Variants in MYO3B observed in about 807,000 individuals in gnomAD.
The protein encoded by MYO3B is myosin IIIB.
MYO3B carries 156 observed loss-of-function variants against 174.6 expected under a neutral mutation model. The ratio of observed to expected loss-of-function variants is 0.89; its 90% CI spans 0.78 to 1.02. The LOEUF (loss-of-function observed/expected upper bound fraction) is 1.02. Ranked by LOEUF, MYO3B falls within the 50% of genes least tolerant of loss-of-function variation. The probability of loss-of-function intolerance (pLI) is 0.00; values close to 1 mark genes in which losing one functional copy is unlikely to be tolerated. For synonymous variants in MYO3B, 563 were observed against 569.1 expected (o/e 0.99, Z 0.15); for missense variants, 1,632 against 1,639.4 (o/e 1.00, Z 0.08).
chr2:170,260,763 A>G (rs1559342269), intron 7 of MYO3B, among the ~76,000 whole-genome samples: 2 of 152,222 alleles, frequency 1.3e-5, no homozygotes, highest in Non-Finnish European at 2.9e-5. Context: ...TGATGGAGCT[A>G]TGGGGATAAA....
rs1292354742 is a variant in MYO3B, at chr2:170,234,183, A to AAAAAC, written c.604-1793_604-1789dup. Among the ~76,000 whole-genome samples, 19 of 91,610 alleles carry AAAAAC rather than the reference A, an allele frequency of 2.1e-4. 1 individual carries two copies. Among genetic ancestry groups the AAAAAC allele is most frequent in the African/African-American group, 4.0e-4 (6 of 14,846 alleles). 60.1% of individuals were successfully genotyped at this position (91,610 alleles called of 152,430 possible). A position where few individuals can be genotyped will look rare whatever the true frequency, so the allele number is the denominator to read the frequency against. Reference sequence around the variant, plus strand: ...GAGACTCCGTCTCAAAAAAAAAAAAAAAAACAAAACAAAACAAAAAAAAAA... The same window carrying AAAAAC: ...GAGACTCCGTCTCAAAAAAAAAAAAAAAAACAAAACAAAACAAAACAAAAAAAAAA... On this transcript the variant is annotated intron_variant, in intron 6 of 34. Transcript: ENST00000408978.
chr2:170,466,453 T>C lies in MYO3B; in HGVS notation c.2809-53T>C, dbSNP rs751937686. On this transcript the variant is annotated intron_variant, in intron 24 of 34. Transcript: ENST00000408978. ...GGCTTCTGCGGGCCTGTGTTGTAAC[T>C]ATCCATTGTGTTGGTGGTAACCTTG... is the stretch of plus-strand genomic sequence containing the variant. The C allele has an allele frequency of 8.9e-4, 1,387 of 1,553,778 alleles. 1 individual carries two copies. The highest frequency in any genetic ancestry group is 1.1e-3 in the Non-Finnish European group (1,251 of 1,129,368).
intron 7 of MYO3B, among the ~76,000 whole-genome samples, chr2:170,312,929 C>T (rs1017458954): frequency 6.6e-6 from 1 of 152,154 alleles, no homozygotes; most frequent in Non-Finnish European, 1.5e-5. Flanking sequence ...TTCTAAGTTA[C>T]ACATAGAGGA....
rs1466529622 is a variant in MYO3B at position 170,310,682 on chromosome 2, A to AG, written c.750-24703_750-24702insG. On this transcript the variant is annotated intron_variant, in intron 7 of 34. Coordinates refer to ENST00000408978, the MANE Select transcript of MYO3B (RefSeq NM_138995.5). ...CTCCATCTCAAAAAAAAAAAAAAAAAAAAAAGAAATACATTGGTTTGGTCC... is the reference window on the plus strand; with the variant it reads ...CTCCATCTCAAAAAAAAAAAAAAAAAGAAAAAGAAATACATTGGTTTGGTCC... Among the ~76,000 whole-genome samples the AG allele has an allele frequency of 7.5e-4, 113 of 151,526 alleles. 2 individuals carry two copies. Among genetic ancestry groups the AG allele is most frequent in the African/African-American group, 2.4e-3 (101 of 41,402 alleles).
rs566585384 is a variant in MYO3B at position 170,630,929 on chromosome 2, A to G, written c.3734-20699A>G. Among the ~76,000 whole-genome samples, 24 of 152,374 alleles carry G rather than the reference A, an allele frequency of 1.6e-4. 1 individual carries two copies. In the East Asian group the frequency reaches 3.3e-3, roughly 21 times the overall value. On this transcript the variant is annotated intron_variant, in intron 32 of 34. Coordinates refer to ENST00000408978, the MANE Select transcript of MYO3B (RefSeq NM_138995.5). Reference sequence around the variant, plus strand: ...CACCATCATCAAAGACCAAAGGTAGATAAAACCACAAAGATGGGAAGATAC... The same window carrying G: ...CACCATCATCAAAGACCAAAGGTAGGTAAAACCACAAAGATGGGAAGATAC...
At position 170,480,205 on chromosome 2, in the gene MYO3B, C is replaced by T. The variant is rs142561375; in HGVS notation, c.3014+13494C>T. Reference sequence around the variant, plus strand: ...GGCCTCAGGAAACAGAATCCTTCTGCCCTCCTTTCACGGGCCCCAAGGCAA... The same window carrying T: ...GGCCTCAGGAAACAGAATCCTTCTGTCCTCCTTTCACGGGCCCCAAGGCAA... On this transcript the variant is annotated intron_variant, in intron 25 of 34. Transcript: ENST00000408978. Among the ~76,000 whole-genome samples, 229 of 152,222 alleles carry T rather than the reference C, an allele frequency of 1.5e-3. 3 individuals carry two copies. In the East Asian group the frequency reaches 0.026, roughly 17 times the overall value.
At chr2:170,622,757 G>A (rs1696044285) in intron 32 of MYO3B, among the ~76,000 whole-genome samples, 1 of 114,788 alleles carries the variant, frequency 8.7e-6, no homozygotes, top group Non-Finnish European at 1.9e-5. Context: ...GGTGTGTGAT[G>A]TTCCCCTTCC....
chr2:170,366,262 C>T (rs1270722021), intron 8 of MYO3B, among the ~76,000 whole-genome samples: 1 of 152,066 alleles, frequency 6.6e-6, no homozygotes, highest in Non-Finnish European at 1.5e-5. Flanking sequence ...GTCTTTCTTT[C>T]TTACTTGGAG....
At chr2:170,597,784 A>AT (rs1224251964) in intron 32 of MYO3B, among the ~76,000 whole-genome samples, 1 of 152,182 alleles carries the variant, frequency 6.6e-6, no homozygotes, top group African/African-American at 2.4e-5. Context: ...TGTTGCCAAC[A>AT]TTTTTGGCTC....
intron 7 of MYO3B, among the ~76,000 whole-genome samples, chr2:170,275,655 T>C (rs1428505018): frequency 1.3e-5 from 2 of 152,194 alleles, no homozygotes; most frequent in Non-Finnish European, 2.9e-5. Flanking sequence ...CTGCCTTTTG[T>C]TTTGACTTCT....
chr2:170,312,484 A>C (rs2093746713), intron 7 of MYO3B, among the ~76,000 whole-genome samples: 1 of 152,262 alleles, frequency 6.6e-6, no homozygotes, highest in African/African-American at 2.4e-5. Context: ...ATGTGAGTAG[A>C]TGTCATGTCA....
intron 32 of MYO3B, among the ~76,000 whole-genome samples, chr2:170,607,015 C>T (rs565674298): frequency 3.9e-5 from 6 of 151,946 alleles, no homozygotes; most frequent in East Asian, 1.9e-4. Context: ...AGCGAAACTC[C>T]GTCTCAAAAA....
intron 25 of MYO3B, among the ~76,000 whole-genome samples, chr2:170,490,250 G>A (rs983488504): frequency 6.6e-6 from 1 of 151,922 alleles, no homozygotes; most frequent in Non-Finnish European, 1.5e-5. Context: ...GGATGGTCTC[G>A]ATTTCCTGAC....
intron 30 of MYO3B, among the ~76,000 whole-genome samples, chr2:170,528,644 G>A (rs1022955037): frequency 6.6e-5 from 10 of 152,156 alleles, no homozygotes; most frequent in Non-Finnish European, 1.2e-4. Context: ...GACCTCAAGT[G>A]ATCCACCTGC....
intron 23 of MYO3B, among the ~76,000 whole-genome samples, chr2:170,449,501 A>T (rs996318856): frequency 3.3e-5 from 5 of 152,134 alleles, no homozygotes; most frequent in Admixed American, 6.6e-5. Flanking sequence ...TTCTTGGCTG[A>T]ACACAGTGGC....
intron 30 of MYO3B, among the ~76,000 whole-genome samples, chr2:170,536,072 G>A (rs1429350128): frequency 6.6e-6 from 1 of 152,206 alleles, no homozygotes. Flanking sequence ...TTTACACAGT[G>A]ACAGCTGCCT....
chr2:170,289,496 A>G (rs753884814), intron 7 of MYO3B, among the ~76,000 whole-genome samples: 7 of 151,932 alleles, frequency 4.6e-5, no homozygotes, highest in Non-Finnish European at 7.4e-5. Flanking sequence ...ATTCGTTGGC[A>G]TTTAGTTGTT....
chr2:170,577,968 T>C (rs1307190551), intron 32 of MYO3B, among the ~76,000 whole-genome samples: 1 of 152,214 alleles, frequency 6.6e-6, no homozygotes, highest in African/African-American at 2.4e-5. Context: ...AGAATATGTG[T>C]GTACTGTATG....
intron 22 of MYO3B, among the ~76,000 whole-genome samples, chr2:170,430,581 A>G (rs899228139): frequency 2.6e-5 from 4 of 152,076 alleles, no homozygotes; most frequent in Admixed American, 6.6e-5. Context: ...TGTGTTATCC[A>G]GGCTGGTCTT....
Sources: allele counts gnomAD v4.1 joint callset (sites outside exome capture counted in the v4.1 genomes callset), GRCh38; gene constraint gnomAD v4.1.1; transcripts MANE v1.5; gene names NCBI Gene and HGNC (gene_info 2026-07-23, HGNC 2026-07-21).